Variants in MTPAP observed in about 807,000 individuals in gnomAD.
MTPAP encodes poly(A) RNA polymerase, mitochondrial.
In MTPAP, 23 loss-of-function variants were observed where a neutral mutation model predicts 48.7. The ratio of observed to expected loss-of-function variants is 0.47; its 90% CI spans 0.34 to 0.67. The LOEUF (loss-of-function observed/expected upper bound fraction) is 0.67. Among genes scored for constraint, MTPAP ranks in the 30% least tolerant of loss-of-function variants. The pLI is 0.01. For missense variants in MTPAP, 614 were observed against 694.3 expected (o/e 0.88, Z 1.30); for synonymous variants, 257 against 254.1 (o/e 1.01, Z -0.11).
At chr10:30,319,407 T>C (rs1564518632) in intron 6 of MTPAP, among the ~76,000 whole-genome samples, 1 of 152,214 alleles carries the variant, frequency 6.6e-6, no homozygotes, top group African/African-American at 2.4e-5. Flanking sequence ...AATTGATTAT[T>C]TGTATATCAA....
intron 1 of MTPAP, among the ~76,000 whole-genome samples, chr10:30,347,915 G>A (rs1834891063): frequency 6.6e-6 from 1 of 151,690 alleles, no homozygotes. Context: ...AAAAACAGTG[G>A]GTTTTTTAAT....
At chr10:30,332,099 C>T (rs1243732265) in intron 4 of MTPAP, among the ~76,000 whole-genome samples, 1 of 152,146 alleles carries the variant, frequency 6.6e-6, no homozygotes, top group Non-Finnish European at 1.5e-5. Flanking sequence ...AGAAAGTAGT[C>T]AAAGAAGGTT....
intron 4 of MTPAP, among the ~76,000 whole-genome samples, chr10:30,331,867 G>A (rs1269829893): frequency 2.0e-5 from 3 of 152,170 alleles, no homozygotes; most frequent in East Asian, 1.9e-4. Flanking sequence ...ACGCCTAGCT[G>A]TAAGTAACTT....
intron 6 of MTPAP, among the ~76,000 whole-genome samples, chr10:30,316,703 A>G (rs1840666987): frequency 6.6e-6 from 1 of 151,770 alleles, no homozygotes; most frequent in African/African-American, 2.4e-5. Context: ...CAGCCTGGCC[A>G]ATATGGTGAA....
chr10:30,340,475 CAG>C (rs757795477), intron 2 of MTPAP, 25 bp from the exon 3 acceptor site: 2 of 1,518,974 alleles, frequency 1.3e-6, no homozygotes, highest in Non-Finnish European at 1.8e-6. Flanking sequence ...TAAGAAAAAA[CAG>C]AACACATTTC....
chr10:30,334,208 C>T (rs147470259), intron 4 of MTPAP, among the ~76,000 whole-genome samples: 5 of 152,064 alleles, frequency 3.3e-5, no homozygotes, highest in East Asian at 1.9e-4. Flanking sequence ...AAATCAAGAG[C>T]GGTTTCAAGA....
Position 30,345,574 on chromosome 10 carries a change from C to T in MTPAP, c.157+3545G>A, listed in dbSNP as rs1417653082. Among the ~76,000 whole-genome samples the T allele has an allele frequency of 2.0e-5, 3 of 152,096 alleles. No homozygotes were observed. The East Asian group carries it at 5.8e-4, about 29-fold the overall frequency. On this transcript the variant is annotated intron_variant, in intron 1 of 8. Coordinates refer to ENST00000263063, the MANE Select transcript of MTPAP (RefSeq NM_018109.4). ...CAGTAGGTTAAGAATGATGTAGACACGATGACAAAGTTGTGAAGGCGGGAA... is the reference window on the plus strand; with the variant it reads ...CAGTAGGTTAAGAATGATGTAGACATGATGACAAAGTTGTGAAGGCGGGAA...
At chr10:30,315,500 C>CT (rs1840649741) in intron 8 of MTPAP, among the ~76,000 whole-genome samples, 1 of 94,818 alleles carries the variant, frequency 1.1e-5, no homozygotes, top group Non-Finnish European at 2.7e-5. Context: ...AGTTCATTTG[C>CT]TCAAAAAAAA....
At position 30,313,636 on chromosome 10, in the gene MTPAP, C is replaced by G; in HGVS notation, c.1722G>C (p.Gly574=). The change falls in exon 9 of 9, where the codon GGG becomes GGC. Residue 574 remains glycine (G), a synonymous_variant. Transcript: ENST00000263063. ...NRTENFTKTS[G]KRTISTQT The stretch of plus-strand genomic sequence containing the variant: ...ATGTCTGAGTACTAATTGTTCTCTT[C>G]CCACTGGTTTTTGTGAAATTTTCTG... 6.2e-7 allele frequency: 1 copy of G among 1,614,172 alleles called. No homozygotes were observed. The highest frequency in any genetic ancestry group is 8.5e-7 in the Non-Finnish European group (1 of 1,180,008).
At chr10:30,330,109 AAT>A (rs1834648045) in intron 4 of MTPAP, among the ~76,000 whole-genome samples, 1 of 152,204 alleles carries the variant, frequency 6.6e-6, no homozygotes, top group African/African-American at 2.4e-5. Flanking sequence ...ATCAGAAAAA[AAT>A]AGATTAAATA....
chr10:30,344,298 T>C (rs1299813180), intron 1 of MTPAP, among the ~76,000 whole-genome samples: 1 of 152,192 alleles, frequency 6.6e-6, no homozygotes, highest in African/African-American at 2.4e-5. Context: ...GGTTGGAATG[T>C]CTACCTTCTC....
At position 30,313,850 on chromosome 10, in the gene MTPAP, C is replaced by A. The variant is rs570052537; in HGVS notation, c.1508G>T (p.Arg503Leu). 6.2e-7 allele frequency: 1 copy of A among 1,614,138 alleles called. No homozygotes were observed. Among genetic ancestry groups the A allele is most frequent in the Admixed American group, 1.7e-5 (1 of 60,014 alleles). Residue 503 changes from arginine (R) to leucine (L), a missense_variant, in exon 9 of 9, where the codon CGA (arginine) becomes CTA (leucine). Coordinates refer to ENST00000263063, the MANE Select transcript of MTPAP (RefSeq NM_018109.4). ...SQLQKFVDLA[R>L]ESAWILQQED... The stretch of plus-strand genomic sequence containing the variant: ...CTGTTGTAAAATCCAGGCACTTTCT[C>A]GGGCCAAATCTACAAATTTTTGCAG...
intron 1 of MTPAP, 38 bp downstream of exon 1, chr10:30,349,081 C>G: frequency 6.2e-7 from 1 of 1,613,626 alleles, no homozygotes; most frequent in Middle Eastern, 1.7e-4. Flanking sequence ...TCCTCGCCCG[C>G]TGTGGGACGG....
Position 30,340,349 on chromosome 10 carries a change from G to T in MTPAP, c.432C>A (p.Phe144Leu). The T allele has an allele frequency of 6.2e-7, 1 of 1,614,160 alleles. No individual in the cohort carries two copies. The highest frequency in any genetic ancestry group is 8.5e-7 in the Non-Finnish European group (1 of 1,179,998). ...ACTTCAGATTGAAGAAACGTGATCT[G>T]AATGGAATTGCAGTCTCCATGGCCG... ...PSTAMETAIP[F>L]RSRFFNLKLK... The change falls in exon 3 of 9, where the codon TTC becomes TTA. Residue 144 changes from phenylalanine (F) to leucine (L), a missense_variant. Around this residue, in one of 5 missense-constraint regions of MTPAP, gnomAD observed 114 missense variants for 107.9 expected, o/e 1.06. Coordinates refer to ENST00000263063, the MANE Select transcript of MTPAP (RefSeq NM_018109.4).
intron 2 of MTPAP, among the ~76,000 whole-genome samples, 194 bp from the exon 3 acceptor site, chr10:30,340,644 C>A (rs986260935): frequency 2.0e-5 from 3 of 152,110 alleles, no homozygotes; most frequent in African/African-American, 7.2e-5. Flanking sequence ...CTGGGCCGGG[C>A]GCAGTGGCTC....
At chr10:30,339,606 C>T (rs1588720571) in intron 3 of MTPAP, among the ~76,000 whole-genome samples, 1 of 151,880 alleles carries the variant, frequency 6.6e-6, no homozygotes, top group Non-Finnish European at 1.5e-5. Context: ...TTCAAAAGGC[C>T]GAAAACTTCA....
At chr10:30,327,845 C>CAAAA (rs71525585) in intron 4 of MTPAP, among the ~76,000 whole-genome samples, 1 of 84,142 alleles carries the variant, frequency 1.2e-5, no homozygotes, top group Non-Finnish European at 2.4e-5. Context: ...GACTCCATCT[C>CAAAA]AAAAAAAAAA....
intron 5 of MTPAP, among the ~76,000 whole-genome samples, chr10:30,323,128 C>CAAAAAAA (rs201987154): frequency 6.9e-5 from 6 of 86,498 alleles, no homozygotes; most frequent in African/African-American, 9.8e-5. Context: ...GACTCCGTTT[C>CAAAAAAA]AAAAAAAAAA....
In MTPAP at chr10:30,349,184, C is replaced by G; in HGVS notation, c.92G>C (p.Ser31Thr). The G allele has an allele frequency of 6.2e-7, 1 of 1,600,644 alleles. No individual in the cohort carries two copies. Among genetic ancestry groups the G allele is most frequent in the Non-Finnish European group, 8.5e-7 (1 of 1,172,802 alleles). ...GTCTTTGGCCACAGTTCCTGGGCAA[C>G]TCAAAAGCCTGACGATAGGCCGCTG... Reference protein sequence around the residue: ...RVQRPIVRLLSCPGTVAKDLR... With the variant: ...RVQRPIVRLLTCPGTVAKDLR... Residue 31 changes from serine (S) to threonine (T), a missense_variant, in exon 1 of 9, where the codon AGT becomes ACT. By Grantham distance (58) the Ser-to-Thr change is moderately conservative. Around this residue, in one of 5 missense-constraint regions of MTPAP, gnomAD observed 125 missense variants for 111.5 expected, o/e 1.12. Transcript: ENST00000263063.
Sources: gnomAD v4.1 joint callset for allele counts (sites outside exome capture counted in the v4.1 genomes callset) on GRCh38, gnomAD v4.1.1 for gene constraint, gnomAD v4.1.1 regional missense constraint, MANE v1.5 for transcripts, NCBI Gene and HGNC (gene_info 2026-07-23, HGNC 2026-07-21) for gene names.